Variants in ELOVL7 observed in about 807,000 individuals in gnomAD.
ELOVL7 encodes the protein very long chain fatty acid elongase 7.
Under a neutral mutation model 35.7 loss-of-function variants are expected in ELOVL7, and 27 were observed. The observed-to-expected ratio is 0.76, with a 90% CI of 0.56 to 1.04. ELOVL7 has a LOEUF of 1.04. Among genes scored for constraint, ELOVL7 ranks in the 50% least tolerant of loss-of-function variants. ELOVL7 has a pLI of 0.00. For synonymous variants in ELOVL7, 113 were observed against 114.6 expected (o/e 0.99, Z 0.09); for missense variants, 327 against 340.8 (o/e 0.96, Z 0.32).
At chr5:60,818,251 G>A (rs1490144193) in intron 1 of ELOVL7, among the ~76,000 whole-genome samples, 2 of 148,534 alleles carry the variant, frequency 1.3e-5, no homozygotes, top group African/African-American at 5.0e-5. Flanking sequence ...CCGGGAGGCG[G>A]AAGTGGAAGT....
chr5:60,791,459 G>A (rs1448607159), intron 2 of ELOVL7, among the ~76,000 whole-genome samples: 2 of 152,112 alleles, frequency 1.3e-5, no homozygotes, highest in African/African-American at 2.4e-5. Context: ...AAGGGTAATA[G>A]AAGCTCAAAT....
intron 1 of ELOVL7, among the ~76,000 whole-genome samples, chr5:60,806,361 T>C (rs1744924016): frequency 6.6e-6 from 1 of 152,180 alleles, no homozygotes; most frequent in African/African-American, 2.4e-5. Flanking sequence ...AAATCCAGAA[T>C]TGGAGCCCAG....
chr5:60,835,077 T>C (rs1746708505), intron 1 of ELOVL7, among the ~76,000 whole-genome samples: 1 of 151,168 alleles, frequency 6.6e-6, no homozygotes, highest in South Asian at 2.1e-4. Flanking sequence ...GTAGTCCCAG[T>C]TACACGGGAG....
At chr5:60,779,306 A>T (rs1224997118) in intron 3 of ELOVL7, among the ~76,000 whole-genome samples, 2 of 152,002 alleles carry the variant, frequency 1.3e-5, no homozygotes, top group African/African-American at 4.8e-5. Flanking sequence ...TTGGGGTCTG[A>T]CCCCACATTT....
chr5:60,825,481 G>A (rs1746117045), intron 1 of ELOVL7, among the ~76,000 whole-genome samples: 1 of 152,068 alleles, frequency 6.6e-6, no homozygotes, highest in African/African-American at 2.4e-5. Flanking sequence ...TTACCGTCTG[G>A]CCCTCTCTGC....
intron 1 of ELOVL7, among the ~76,000 whole-genome samples, chr5:60,821,699 C>T (rs1745899742): frequency 6.6e-6 from 1 of 152,268 alleles, no homozygotes; most frequent in Non-Finnish European, 1.5e-5. Context: ...GTGACTGGTG[C>T]TGACGCACAA....
intron 6 of ELOVL7, among the ~76,000 whole-genome samples, chr5:60,764,948 T>A (rs970298290): frequency 2.0e-5 from 3 of 152,168 alleles, no homozygotes; most frequent in Non-Finnish European, 4.4e-5. Flanking sequence ...AAAAACCCTG[T>A]CAACAAAATG....
At chr5:60,835,957 T>C (rs1013538037) in intron 1 of ELOVL7, among the ~76,000 whole-genome samples, 1 of 152,020 alleles carries the variant, frequency 6.6e-6, no homozygotes, top group Non-Finnish European at 1.5e-5. Context: ...AGAAGACTAC[T>C]AGAAGCCACT....
Position 60,799,490 on chromosome 5 carries a change from A to G in ELOVL7, c.-85-260T>C, listed in dbSNP as rs142078487. On this transcript the variant is annotated intron_variant, in intron 1 of 8. Coordinates refer to ENST00000508821, the MANE Select transcript of ELOVL7 (RefSeq NM_024930.3). ...CATAAATAAAATTGGAAATGAAAGA[A>G]GAGACATTGCAACTGAGACCACAGA... 2.4e-4 allele frequency among the ~76,000 whole-genome samples: 36 copies of G among 152,330 alleles called. 1 individual carries two copies. Among genetic ancestry groups the G allele is most frequent in the African/African-American group, 8.2e-4 (34 of 41,574 alleles).
chr5:60,756,297 G>T (rs557362273), intron 8 of ELOVL7, among the ~76,000 whole-genome samples: 86 of 152,036 alleles, frequency 5.7e-4, no homozygotes, highest in Non-Finnish European at 1.0e-3. Context: ...AATGTAAAAG[G>T]TGTACACATA....
At chr5:60,825,775 A>T in intron 1 of ELOVL7, among the ~76,000 whole-genome samples, 1 of 152,254 alleles carries the variant, frequency 6.6e-6, no homozygotes, top group East Asian at 1.9e-4. Context: ...CAGAGCTGAA[A>T]GTATGGTTAA....
chr5:60,793,884 A>G (rs1744087551), intron 2 of ELOVL7, among the ~76,000 whole-genome samples: 1 of 152,178 alleles, frequency 6.6e-6, no homozygotes, highest in Admixed American at 6.5e-5. Context: ...GAAGACATTG[A>G]GAGGTTGAGA....
chr5:60,839,032 AT>A (rs1442967529), intron 1 of ELOVL7, among the ~76,000 whole-genome samples: 4 of 140,974 alleles, frequency 2.8e-5, no homozygotes, highest in African/African-American at 5.3e-5. Flanking sequence ...AAAAAAAAAT[AT>A]ATATATATAT....
At chr5:60,833,576 GA>G (rs200543771) in intron 1 of ELOVL7, among the ~76,000 whole-genome samples, 21 of 150,690 alleles carry the variant, frequency 1.4e-4, no homozygotes, top group African/African-American at 3.9e-4. Context: ...ACTAAAAAAA[GA>G]AAAAAAAATT....
intron 1 of ELOVL7, among the ~76,000 whole-genome samples, chr5:60,807,386 CTG>C (rs1365693815): frequency 6.6e-6 from 1 of 151,896 alleles, no homozygotes; most frequent in African/African-American, 2.4e-5. Flanking sequence ...TGACTATAAA[CTG>C]AAATTATCAG....
At chr5:60,817,846 GTGTA>G (rs1485812347) in intron 1 of ELOVL7, among the ~76,000 whole-genome samples, 104 of 141,164 alleles carry the variant, frequency 7.4e-4, no homozygotes, top group Admixed American at 8.5e-4. Flanking sequence ...GTGTGTGTGT[GTGTA>G]TATATATATA....
At chr5:60,825,935 G>A (rs565279418) in intron 1 of ELOVL7, among the ~76,000 whole-genome samples, 39 of 152,376 alleles carry the variant, frequency 2.6e-4, no homozygotes, top group African/African-American at 9.1e-4. Flanking sequence ...GCAGTCATAG[G>A]TTCAGTCCAA....
At chr5:60,789,864 G>A (rs1561444400) in intron 2 of ELOVL7, among the ~76,000 whole-genome samples, 3 of 152,200 alleles carry the variant, frequency 2.0e-5, no homozygotes, top group Admixed American at 6.5e-5. Flanking sequence ...AGAGCTGGGC[G>A]CAGTGGCTCA....
rs1005833679 is a variant in ELOVL7, at chr5:60,752,074, T to C, written c.*2550A>G. 6.6e-6 allele frequency: 1 copy of C among 152,210 alleles called. No homozygotes were observed. Among genetic ancestry groups the C allele is most frequent in the African/African-American group, 2.4e-5 (1 of 41,450 alleles). 9.4% of individuals were successfully genotyped at this position (152,210 alleles called of 1,614,324 possible). On this transcript the variant is annotated 3_prime_UTR_variant, in exon 9 of 9. Coordinates refer to ENST00000508821, the MANE Select transcript of ELOVL7 (RefSeq NM_024930.3). ...GGAACTATTTATTTTGTTGTTGTTG[T>C]TGCTTGTTAGGTAAGCAAACCCAAA...
Sources: allele counts gnomAD v4.1 joint callset (sites outside exome capture counted in the v4.1 genomes callset), GRCh38; gene constraint gnomAD v4.1.1; transcripts MANE v1.5; gene names NCBI Gene and HGNC (gene_info 2026-07-23, HGNC 2026-07-21).